Variants in CNGB1 observed in about 807,000 individuals in gnomAD.
The protein encoded by CNGB1 is cyclic nucleotide gated channel subunit beta 1, also known as cyclic nucleotide-gated channel beta-1.
In CNGB1, 126 loss-of-function variants were observed where a neutral mutation model predicts 151.7. The ratio of observed to expected loss-of-function variants is 0.83; its 90% CI spans 0.72 to 0.96. CNGB1 has a LOEUF of 0.96. CNGB1 is among the 40% of genes least tolerant of loss of function. The probability of loss-of-function intolerance (pLI) is 0.00; values close to 1 mark genes in which losing one functional copy is unlikely to be tolerated. For missense variants in CNGB1, 1,698 were observed against 1,627.0 expected, an observed-to-expected ratio of 1.04 and a Z score of -0.75; for synonymous variants, 623 against 635.1, an observed-to-expected ratio of 0.98 and a Z score of 0.29.
In CNGB1 at chr16:57,962,733, G is replaced by A; in HGVS notation, c.412+109C>T. The A allele has an allele frequency of 3.2e-6, 5 of 1,573,534 alleles. No homozygotes were observed. The South Asian group carries it at 4.4e-5, about 14-fold the overall frequency. ...CCAGGTTCAAAGCAGGGTCAGTCAG[G>A]TGAGAAGATCCAGCCTGGGCAGAGG... On this transcript the variant is annotated intron_variant, in intron 6 of 32. Coordinates refer to ENST00000251102, the MANE Select transcript of CNGB1 (RefSeq NM_001297.5).
chr16:57,964,644 A>C, intron 2 of CNGB1, 100 bp from the exon 3 acceptor site: 1 of 1,126,040 alleles, frequency 8.9e-7, no homozygotes, highest in Non-Finnish European at 1.3e-6. Flanking sequence ...GCCCCACAAA[A>C]GACCTGAACG....
chr16:57,901,658 A>G (rs776115877), intron 27 of CNGB1, 33 bp from the exon 28 acceptor site: 1 of 1,586,412 alleles, frequency 6.3e-7, no homozygotes, highest in South Asian at 1.1e-5. Context: ...GTCAGAGGCA[A>G]GGCCGGGCCC....
At chr16:57,908,518 C>T (rs1228869232) in intron 25 of CNGB1, among the ~76,000 whole-genome samples, 4 of 152,256 alleles carry the variant, frequency 2.6e-5, no homozygotes, top group African/African-American at 7.2e-5. Context: ...GCTGACTGAG[C>T]GCCCACTGTG....
intron 25 of CNGB1, 97 bp from the exon 26 acceptor site, chr16:57,904,972 G>A (rs1263972727): frequency 1.4e-6 from 2 of 1,476,638 alleles, no homozygotes; most frequent in African/African-American, 1.4e-5. Flanking sequence ...TGCATGTTGT[G>A]CAAAAGACAG....
Position 57,959,989 on chromosome 16 carries a change from G to A in CNGB1, c.660C>T (p.Pro220=), listed in dbSNP as rs1309314628. The change falls in exon 10 of 33, where the codon CCC becomes CCT. Residue 220 remains proline (P), a synonymous_variant. Transcript: ENST00000251102. ...CCTTGGGTTCCTCCTTGGGCTGCAG[G>A]GGGATGGGTGTGGGCAGGGAGGGGG... The part of the protein sequence containing the change: ...RETPSLPTPI[P]LQPKEEPKEA... The A allele has an allele frequency of 1.9e-6, 3 of 1,589,856 alleles. No homozygotes were observed. The highest frequency in any genetic ancestry group is 2.6e-6 in the Non-Finnish European group (3 of 1,168,950).
intron 31 of CNGB1, among the ~76,000 whole-genome samples, chr16:57,889,637 A>G (rs1960031930): frequency 6.6e-6 from 1 of 152,218 alleles, no homozygotes; most frequent in Non-Finnish European, 1.5e-5. Context: ...TTATGCTAAT[A>G]CATACTCTCT....
intron 18 of CNGB1, 54 bp downstream of exon 18, chr16:57,923,219 T>TCCCCCCCC: frequency 3.2e-6 from 3 of 923,458 alleles, no homozygotes; most frequent in South Asian, 1.4e-5. Context: ...CCCCCCCACA[T>TCCCCCCCC]CCCCCACCCT....
chr16:57,933,879 C>T (rs547302729), intron 16 of CNGB1, among the ~76,000 whole-genome samples: 5 of 152,016 alleles, frequency 3.3e-5, no homozygotes, highest in African/African-American at 1.2e-4. Flanking sequence ...CCTGCCACCA[C>T]GCCTGGCTAA....
intron 3 of CNGB1, 98 bp from the exon 4 acceptor site, chr16:57,964,300 C>A: frequency 6.9e-7 from 1 of 1,441,448 alleles, no homozygotes; most frequent in Non-Finnish European, 9.7e-7. Flanking sequence ...AGAGAGACCC[C>A]CAGGGGTCAG....
At chr16:57,962,953 A>G (rs764019281) in intron 5 of CNGB1, 21 bp downstream of exon 5, 7 of 1,612,820 alleles carry the variant, frequency 4.3e-6, no homozygotes, top group Non-Finnish European at 5.1e-6. Flanking sequence ...CGGCCCCTTC[A>G]GCCTCCAGCC....
intron 6 of CNGB1, 37 bp from the exon 7 acceptor site, chr16:57,962,647 C>T (rs763816015): frequency 2.8e-5 from 45 of 1,609,586 alleles, no homozygotes; most frequent in Middle Eastern, 3.3e-4. Flanking sequence ...CAGTCAGCAG[C>T]GGGAGACCTG....
intron 14 of CNGB1, among the ~76,000 whole-genome samples, chr16:57,942,296 T>C (rs1961688852): frequency 6.6e-6 from 1 of 152,148 alleles, no homozygotes; most frequent in South Asian, 2.1e-4. Context: ...TTGTTCCTCT[T>C]TGCAGATAAT....
chr16:57,944,965 A>C (rs1961767579), intron 14 of CNGB1, among the ~76,000 whole-genome samples: 1 of 151,562 alleles, frequency 6.6e-6, no homozygotes, highest in Middle Eastern at 3.4e-3. Flanking sequence ...AAAAAAAAAA[A>C]AAAAAAAACA....
chr16:57,897,858 G>T lies in CNGB1; in HGVS notation c.3033C>A (p.Gly1011=), dbSNP rs772877765. ...IIQAGQVQVL[G]GPDGKSVLVT... ...CCAGCACAGATTTCCCATCAGGGCC[G>T]CCCAAGACCTGCACTTGCCCTGCCT... The change falls in exon 30 of 33, where the codon GGC becomes GGA. Residue 1011 remains glycine (G), a synonymous_variant. Transcript: ENST00000251102. 12 of 1,614,122 alleles carry T rather than the reference G, an allele frequency of 7.4e-6. No individual in the cohort carries two copies. Among genetic ancestry groups the T allele is most frequent in the Non-Finnish European group, 8.5e-6 (10 of 1,180,012 alleles).
intron 13 of CNGB1, 92 bp downstream of exon 13, chr16:57,950,273 CAGGCTTGGTTCCTGCT>C: frequency 7.4e-7 from 1 of 1,349,010 alleles, no homozygotes; most frequent in Non-Finnish European, 1.1e-6. Context: ...CAGGGGGAAG[CAGGCTTGGTTCCTGCT>C]CTGTGCCTTT....
At chr16:57,961,545 A>G (rs1417495224) in intron 7 of CNGB1, among the ~76,000 whole-genome samples, 1 of 152,118 alleles carries the variant, frequency 6.6e-6, no homozygotes, top group African/African-American at 2.4e-5. Flanking sequence ...CCTCATCCTA[A>G]ATTGCTTTAG....
At chr16:57,909,184 C>CT (rs1374236217) in intron 25 of CNGB1, among the ~76,000 whole-genome samples, 23 of 152,220 alleles carry the variant, frequency 1.5e-4, no homozygotes, top group Admixed American at 2.6e-4. Flanking sequence ...GGGGGGATCA[C>CT]TTGAGCCCAT....
rs1432723426 is a variant in CNGB1 at position 57,960,472 on chromosome 16, C to T, written c.583+10G>A. On this transcript the variant is annotated intron_variant, in intron 9 of 32. Transcript: ENST00000251102. The stretch of plus-strand genomic sequence containing the variant: ...CCAGGCAGCCCCCTCCCGAGCTCCC[C>T]TCCCTGTACCTGGGTCTGAGGCAGC... 1 of 1,613,004 alleles carries T rather than the reference C, an allele frequency of 6.2e-7. No individual in the cohort carries two copies. Among genetic ancestry groups the T allele is most frequent in the Non-Finnish European group, 8.5e-7 (1 of 1,179,522 alleles).
chr16:57,964,562 G>A lies in CNGB1; in HGVS notation c.160-18C>T. ...TCGGGGGGCTAGAGGGTTCGAACAG[G>A]ATCATGTAAGTCCTAGGTGAGACCA... On this transcript the variant is annotated intron_variant, in intron 2 of 32. Transcript: ENST00000251102. The A allele has an allele frequency of 6.2e-7, 1 of 1,612,894 alleles. No homozygotes were observed. Among genetic ancestry groups the A allele is most frequent in the Non-Finnish European group, 8.5e-7 (1 of 1,179,304 alleles).
Sources: allele counts gnomAD v4.1 joint callset (sites outside exome capture counted in the v4.1 genomes callset), GRCh38; gene constraint gnomAD v4.1.1; transcripts MANE v1.5; gene names NCBI Gene and HGNC (gene_info 2026-07-23, HGNC 2026-07-21).